Variants in CCDC91 observed in about 807,000 individuals in gnomAD.
CCDC91 encodes the protein coiled-coil domain containing 91.
CCDC91 carries 48 observed loss-of-function variants against 63.2 expected under a neutral mutation model. The observed-to-expected ratio is 0.76, with a 90% CI of 0.60 to 0.97. The LOEUF (loss-of-function observed/expected upper bound fraction) is 0.97. CCDC91 is among the 50% of genes least tolerant of loss of function. The pLI, the probability that CCDC91 is intolerant of heterozygous loss-of-function variation, is 0.00. For synonymous variants in CCDC91, 167 were observed against 165.8 expected, an observed-to-expected ratio of 1.01 and a Z score of -0.06; for missense variants, 500 against 494.6, an observed-to-expected ratio of 1.01 and a Z score of -0.10.
intron 1 of CCDC91, among the ~76,000 whole-genome samples, chr12:28,242,895 C>A (rs113417682): frequency 6.6e-6 from 1 of 152,050 alleles, no homozygotes; most frequent in African/African-American, 2.4e-5. Flanking sequence ...GCGCCTGCCC[C>A]CCTCTTGCTC....
chr12:28,436,511 C>T (rs1163272141), intron 8 of CCDC91, among the ~76,000 whole-genome samples: 1 of 151,718 alleles, frequency 6.6e-6, no homozygotes, highest in Non-Finnish European at 1.5e-5. Context: ...TTTAAGCAAA[C>T]TACTAGATCA....
chr12:28,535,036 C>T (rs983405642), intron 12 of CCDC91, among the ~76,000 whole-genome samples: 1 of 152,158 alleles, frequency 6.6e-6, no homozygotes, highest in South Asian at 2.1e-4. Flanking sequence ...ATGAGACACT[C>T]ATACAGCTTT....
intron 3 of CCDC91, among the ~76,000 whole-genome samples, chr12:28,269,546 C>G (rs55982854): frequency 7.2e-5 from 11 of 152,062 alleles, no homozygotes; most frequent in South Asian, 2.1e-4. Context: ...TCTGCTCCCC[C>G]CAACCAACCC....
intron 12 of CCDC91, among the ~76,000 whole-genome samples, chr12:28,516,882 A>G (rs1263827923): frequency 6.6e-6 from 1 of 152,026 alleles, no homozygotes; most frequent in Non-Finnish European, 1.5e-5. Context: ...TCTCACCTCT[A>G]AATACTCTTA....
chr12:28,298,559 TA>T (rs1461132109), intron 3 of CCDC91, among the ~76,000 whole-genome samples: 6 of 151,270 alleles, frequency 4.0e-5, no homozygotes, highest in Admixed American at 6.6e-5. Context: ...CAGGTATAGT[TA>T]TTTTTTTATT....
chr12:28,512,148 G>T (rs1055259798), intron 12 of CCDC91, among the ~76,000 whole-genome samples: 3 of 151,744 alleles, frequency 2.0e-5, no homozygotes, highest in Admixed American at 6.6e-5. Context: ...CTGCGAATAG[G>T]TTCTTTTTTC....
At chr12:28,270,207 A>G (rs1391645951) in intron 3 of CCDC91, among the ~76,000 whole-genome samples, 5 of 152,076 alleles carry the variant, frequency 3.3e-5, no homozygotes, top group Admixed American at 6.6e-5. Flanking sequence ...GACCTTCCCA[A>G]GTAATTTTAG....
intron 8 of CCDC91, among the ~76,000 whole-genome samples, chr12:28,401,433 G>A (rs1439370502): frequency 1.3e-5 from 2 of 152,000 alleles, no homozygotes; most frequent in Non-Finnish European, 2.9e-5. Context: ...TACCTCCCAC[G>A]ACATGTGGGG....
At chr12:28,380,626 C>G (rs1290008891) in intron 7 of CCDC91, among the ~76,000 whole-genome samples, 2 of 152,022 alleles carry the variant, frequency 1.3e-5, no homozygotes, top group Non-Finnish European at 2.9e-5. Flanking sequence ...TGAGATTTGA[C>G]CTGTTCTGAT....
intron 3 of CCDC91, chr12:28,304,588 T>C: frequency 1.2e-6 from 1 of 834,546 alleles, no homozygotes; most frequent in Non-Finnish European, 1.7e-6. Flanking sequence ...TTTGTTATTT[T>C]GTTTATATCT....
chr12:28,298,127 G>A (rs964185587), intron 3 of CCDC91, among the ~76,000 whole-genome samples: 4 of 149,920 alleles, frequency 2.7e-5, no homozygotes, highest in African/African-American at 9.8e-5. Flanking sequence ...CTATTCATTT[G>A]TTTTCTCATT....
chr12:28,217,164 AT>A (rs1004204309), intron 1 of CCDC91, among the ~76,000 whole-genome samples: 10 of 152,174 alleles, frequency 6.6e-5, no homozygotes, highest in African/African-American at 2.4e-4. Flanking sequence ...AATGAGCAAG[AT>A]GGTAGTATTG....
chr12:28,504,303 C>T (rs1938427767), intron 12 of CCDC91, among the ~76,000 whole-genome samples: 1 of 151,692 alleles, frequency 6.6e-6, no homozygotes, highest in Admixed American at 6.6e-5. Context: ...TTTCCCAATA[C>T]TTTTATTGAC....
At chr12:28,398,915 C>A (rs1221300076) in intron 8 of CCDC91, among the ~76,000 whole-genome samples, 1 of 152,150 alleles carries the variant, frequency 6.6e-6, no homozygotes, top group Non-Finnish European at 1.5e-5. Flanking sequence ...ATGTGCACTA[C>A]AAATATTTTT....
In CCDC91 at chr12:28,361,271, G is replaced by C. The variant is rs188184245; in HGVS notation, c.577-1167G>C. ...ATGTATACATGTGCCATGCTGGTGT[G>C]CTGCACCCATTAACTCGTCATTTAG... is the stretch of plus-strand genomic sequence containing the variant. On this transcript the variant is annotated intron_variant, in intron 6 of 12. Coordinates refer to ENST00000536442, the MANE Select transcript of CCDC91 (RefSeq NM_018318.5). 9.2e-3 allele frequency among the ~76,000 whole-genome samples: 1,393 copies of C among 151,828 alleles called. 27 individuals carry two copies. Among genetic ancestry groups the C allele is most frequent in the African/African-American group, 0.032 (1,323 of 41,380 alleles).
At chr12:28,202,877 A>G (rs1430239148) in intron 1 of CCDC91, among the ~76,000 whole-genome samples, 3 of 152,226 alleles carry the variant, frequency 2.0e-5, no homozygotes, top group South Asian at 4.1e-4. Context: ...TGTTACTGCC[A>G]CCTCAGGCAA....
chr12:28,349,417 C>T (rs995974959), intron 6 of CCDC91, among the ~76,000 whole-genome samples: 1 of 152,100 alleles, frequency 6.6e-6, no homozygotes, highest in Non-Finnish European at 1.5e-5. Flanking sequence ...TATTGTCAGC[C>T]CTCTCCCACT....
chr12:28,381,315 T>C (rs1027461727), intron 7 of CCDC91, among the ~76,000 whole-genome samples: 3 of 152,094 alleles, frequency 2.0e-5, no homozygotes, highest in African/African-American at 7.2e-5. Context: ...AAACCTGATT[T>C]ATGAGAATAT....
intron 12 of CCDC91, among the ~76,000 whole-genome samples, chr12:28,505,724 T>C (rs1002198476): frequency 6.6e-6 from 1 of 152,040 alleles, no homozygotes; most frequent in South Asian, 2.1e-4. Flanking sequence ...CCAAAAATAA[T>C]GAAAGCTTCT....
Sources: allele counts gnomAD v4.1 joint callset (sites outside exome capture counted in the v4.1 genomes callset), GRCh38; gene constraint gnomAD v4.1.1; transcripts MANE v1.5; gene names NCBI Gene and HGNC (gene_info 2026-07-23, HGNC 2026-07-21).